Variants in ANKFN1 observed in about 807,000 individuals in gnomAD.
The protein encoded by ANKFN1 is ankyrin repeat and fibronectin type-III domain-containing protein 1.
A neutral mutation model predicts 108.7 loss-of-function variants in ANKFN1; 74 were observed. The ratio of observed to expected loss-of-function variants is 0.68; its 90% CI spans 0.56 to 0.83. ANKFN1 has a LOEUF of 0.83. ANKFN1 is among the 40% of genes least tolerant of loss of function. The pLI is 0.00. For missense variants in ANKFN1, 1,505 were observed against 1,382.3 expected (o/e 1.09, Z -1.41); for synonymous variants, 547 against 516.2 (o/e 1.06, Z -0.81).
At chr17:56,072,594 T>G (rs1905133137) in intron 4 of ANKFN1, among the ~76,000 whole-genome samples, 1 of 152,188 alleles carries the variant, frequency 6.6e-6, no homozygotes, top group South Asian at 2.1e-4. Flanking sequence ...TTTTCCTACT[T>G]TATATACAAC....
intron 2 of ANKFN1, among the ~76,000 whole-genome samples, chr17:56,217,383 C>T (rs1328198011): frequency 6.6e-6 from 1 of 152,176 alleles, no homozygotes; most frequent in Non-Finnish European, 1.5e-5. Flanking sequence ...TTTAGTGACT[C>T]CAAAGTGTTA....
At chr17:56,095,999 A>C (rs1181089291) in intron 4 of ANKFN1, among the ~76,000 whole-genome samples, 1 of 152,132 alleles carries the variant, frequency 6.6e-6, no homozygotes, top group Non-Finnish European at 1.5e-5. Flanking sequence ...TATGACCTTG[A>C]ACGATTTTAC....
intron 4 of ANKFN1, among the ~76,000 whole-genome samples, chr17:56,102,402 G>A: frequency 6.6e-6 from 1 of 152,222 alleles, no homozygotes; most frequent in East Asian, 1.9e-4. Context: ...AAATATAAAG[G>A]CTAATTATGT....
intron 4 of ANKFN1, among the ~76,000 whole-genome samples, chr17:56,096,596 A>C (rs1165651890): frequency 6.6e-6 from 1 of 152,240 alleles, no homozygotes; most frequent in African/African-American, 2.4e-5. Context: ...GAGAAATGCA[A>C]ATCAAAACCA....
intron 8 of ANKFN1, among the ~76,000 whole-genome samples, chr17:56,398,044 T>C (rs2047640058): frequency 6.6e-6 from 1 of 152,192 alleles, no homozygotes; most frequent in African/African-American, 2.4e-5. Flanking sequence ...CCTGTTGTAT[T>C]CTTTCAGGGG....
At chr17:56,293,343 G>A (rs997963162) in intron 3 of ANKFN1, among the ~76,000 whole-genome samples, 15 of 152,114 alleles carry the variant, frequency 9.9e-5, no homozygotes, top group Non-Finnish European at 2.1e-4. Flanking sequence ...TCACACAAAT[G>A]CCACCATCAC....
In ANKFN1 at chr17:56,089,661, G is replaced by A. The variant is rs148846179; in HGVS notation, c.288+43336G>A. Among the ~76,000 whole-genome samples, 3 of 151,310 alleles carry A rather than the reference G, an allele frequency of 2.0e-5. No individual in the cohort carries two copies. In the East Asian group the frequency reaches 5.8e-4, roughly 29 times the overall value. ...CAATTAAATAGATGTATTTTGCGTG[G>A]CTGCCAGGCATAAGGCGCAAAGACA... On this transcript the variant is annotated intron_variant, in intron 4 of 12. Transcript: ENST00000635860.
At chr17:56,362,392 T>C (rs934031334) in intron 6 of ANKFN1, among the ~76,000 whole-genome samples, 2 of 152,182 alleles carry the variant, frequency 1.3e-5, no homozygotes, top group African/African-American at 4.8e-5. Flanking sequence ...ACATTTGAAA[T>C]ATATCGATGC....
At chr17:56,438,719 G>A (rs900096102) in intron 8 of ANKFN1, among the ~76,000 whole-genome samples, 5 of 152,180 alleles carry the variant, frequency 3.3e-5, no homozygotes, top group East Asian at 1.9e-4. Context: ...GCCACCACTC[G>A]GAATGGGAGG....
intron 3 of ANKFN1, among the ~76,000 whole-genome samples, chr17:56,259,410 A>G (rs1438037337): frequency 6.6e-6 from 1 of 152,238 alleles, no homozygotes; most frequent in Non-Finnish European, 1.5e-5. Context: ...ATCTGTATAT[A>G]GGCATTTGGT....
chr17:56,425,645 T>C (rs1035324758), intron 8 of ANKFN1, among the ~76,000 whole-genome samples: 2 of 152,122 alleles, frequency 1.3e-5, no homozygotes, highest in Non-Finnish European at 2.9e-5. Context: ...CTCCGTGCCT[T>C]TGCACACACA....
At chr17:56,362,031 A>C in intron 6 of ANKFN1, among the ~76,000 whole-genome samples, 1 of 152,170 alleles carries the variant, frequency 6.6e-6, no homozygotes, top group African/African-American at 2.4e-5. Flanking sequence ...ATACTATACA[A>C]GGGTGTGAAT....
chr17:56,496,253 C>G (rs1304787923), intron 19 of ANKFN1, among the ~76,000 whole-genome samples: 2 of 152,108 alleles, frequency 1.3e-5, no homozygotes, highest in Admixed American at 6.6e-5. Flanking sequence ...TTTCTACATA[C>G]TTTTAAAAAA....
chr17:56,406,023 A>G (rs1355671377), intron 8 of ANKFN1, among the ~76,000 whole-genome samples: 1 of 151,998 alleles, frequency 6.6e-6, no homozygotes, highest in Non-Finnish European at 1.5e-5. Flanking sequence ...TGTTTAAAAC[A>G]TTTAATAAAA....
chr17:56,104,790 G>A (rs1310909924), intron 4 of ANKFN1, among the ~76,000 whole-genome samples: 1 of 152,214 alleles, frequency 6.6e-6, no homozygotes, highest in Non-Finnish European at 1.5e-5. Flanking sequence ...GTGACAGAAG[G>A]GAGGCAGGTA....
In ANKFN1 at chr17:56,328,593, T is replaced by C. The variant is rs1182152513; in HGVS notation, c.188+2238T>C. On this transcript the variant is annotated intron_variant, in intron 4 of 20. Coordinates refer to ENST00000682825, the MANE Select transcript of ANKFN1 (RefSeq NM_001370326.1). ...CTGTCTCTAAGAACTTCACTTATAA[T>C]TATTATTTCACTCTTCATCAGAAAA... Among the ~76,000 whole-genome samples the C allele has an allele frequency of 1.3e-5, 2 of 152,192 alleles. 1 individual carries two copies. Among genetic ancestry groups the C allele is most frequent in the Non-Finnish European group, 2.9e-5 (2 of 68,032 alleles).
intron 8 of ANKFN1, among the ~76,000 whole-genome samples, chr17:56,408,160 C>T (rs2047978504): frequency 6.6e-6 from 1 of 152,050 alleles, no homozygotes; most frequent in Admixed American, 6.6e-5. Flanking sequence ...GTCTTGAATT[C>T]CCAACCTCAG....
chr17:56,437,973 G>GGTGTGTGT (rs150040769), intron 8 of ANKFN1, among the ~76,000 whole-genome samples: 46,326 of 141,994 alleles, frequency 0.33, 8,277 homozygotes, highest in East Asian at 0.61. Context: ...ATCTACTGTA[G>GGTGTGTGT]GTGTGTGTGT....
chr17:56,404,595 G>A (rs1416055249), intron 8 of ANKFN1, among the ~76,000 whole-genome samples: 2 of 152,020 alleles, frequency 1.3e-5, no homozygotes, highest in Non-Finnish European at 2.9e-5. Context: ...CTTGCATTGG[G>A]CTTCACCTTT....
Sources: gnomAD v4.1 joint callset for allele counts (sites outside exome capture counted in the v4.1 genomes callset) on GRCh38, gnomAD v4.1.1 for gene constraint, MANE v1.5 for transcripts, NCBI Gene and HGNC (gene_info 2026-07-23, HGNC 2026-07-21) for gene names.